The following WWOX variants were observed in gnomAD, a reference collection of about 807,000 sequenced individuals.
WWOX encodes the protein WW domain-containing oxidoreductase.
A neutral mutation model predicts 46.2 loss-of-function variants in WWOX; 69 were observed. The observed-to-expected ratio is 1.49, with a 90% CI of 1.23 to 1.82. The LOEUF (loss-of-function observed/expected upper bound fraction) is 1.82. Among genes scored for constraint, WWOX ranks in the 40% most tolerant of loss-of-function variants. The pLI, the probability that WWOX is intolerant of heterozygous loss-of-function variation, is 0.00. For missense variants in WWOX, 919 were observed against 542.6 expected, an observed-to-expected ratio of 1.69 and a Z score of -6.89; for synonymous variants, 359 against 202.6, an observed-to-expected ratio of 1.77 and a Z score of -6.56.
At chr16:78,998,658 A>T (rs1213462726) in intron 8 of WWOX, among the ~76,000 whole-genome samples, 1 of 152,190 alleles carries the variant, frequency 6.6e-6, no homozygotes, top group African/African-American at 2.4e-5. Flanking sequence ...GTGTGTAGGT[A>T]AGCGGCTAGC....
intron 8 of WWOX, among the ~76,000 whole-genome samples, chr16:78,696,256 C>G (rs1009850425): frequency 6.6e-6 from 1 of 152,182 alleles, no homozygotes; most frequent in African/African-American, 2.4e-5. Flanking sequence ...GCCTTCCTGT[C>G]TTTGCCACAT....
At chr16:78,118,007 C>G (rs146849631) in intron 4 of WWOX, among the ~76,000 whole-genome samples, 16 of 151,172 alleles carry the variant, frequency 1.1e-4, no homozygotes, top group Non-Finnish European at 2.1e-4. Context: ...ATTTGCAAAT[C>G]TAGTATTTCC....
chr16:78,962,746 C>T (rs143816548), intron 8 of WWOX, among the ~76,000 whole-genome samples: 1 of 152,146 alleles, frequency 6.6e-6, no homozygotes, highest in African/African-American at 2.4e-5. Flanking sequence ...CCACTCAGAT[C>T]AAGACAGAGA....
At chr16:78,549,081 G>A (rs986238257) in intron 8 of WWOX, among the ~76,000 whole-genome samples, 2 of 152,102 alleles carry the variant, frequency 1.3e-5, no homozygotes, top group African/African-American at 4.8e-5. Flanking sequence ...AATAAAGTGA[G>A]GAAAATAAAT....
At chr16:78,531,652 G>A (rs915502842) in intron 8 of WWOX, among the ~76,000 whole-genome samples, 2 of 151,986 alleles carry the variant, frequency 1.3e-5, no homozygotes, top group South Asian at 2.1e-4. Context: ...AGACTAGCCT[G>A]GCCAACATGG....
At chr16:78,972,365 T>G (rs2046487939) in intron 8 of WWOX, among the ~76,000 whole-genome samples, 1 of 151,960 alleles carries the variant, frequency 6.6e-6, no homozygotes, top group South Asian at 2.1e-4. Context: ...GTGAGCGCCG[T>G]GTATTTCAAA....
intron 5 of WWOX, among the ~76,000 whole-genome samples, chr16:78,307,772 CT>C (rs113641910): frequency 0.067 from 10,265 of 152,186 alleles, 954 homozygotes; most frequent in African/African-American, 0.21. Flanking sequence ...CTTAATATTC[CT>C]TTTCATGGGA....
At chr16:78,478,876 AT>A (rs1399743215) in intron 8 of WWOX, among the ~76,000 whole-genome samples, 1 of 152,088 alleles carries the variant, frequency 6.6e-6, no homozygotes, top group African/African-American at 2.4e-5. Flanking sequence ...AATAAGCTGA[AT>A]CTGTAGTATA....
At chr16:78,576,823 C>A (rs892509700) in intron 8 of WWOX, among the ~76,000 whole-genome samples, 16 of 152,200 alleles carry the variant, frequency 1.1e-4, no homozygotes, top group African/African-American at 3.9e-4. Flanking sequence ...ACAACAAGAC[C>A]CTGTCCCTTA....
At chr16:78,275,471 A>C (rs978149708) in intron 5 of WWOX, among the ~76,000 whole-genome samples, 1 of 152,222 alleles carries the variant, frequency 6.6e-6, no homozygotes, top group African/African-American at 2.4e-5. Context: ...CCCTGCAGTA[A>C]CTGGCTTTCT....
chr16:78,578,736 T>C (rs2044970874), intron 8 of WWOX, among the ~76,000 whole-genome samples: 1 of 152,146 alleles, frequency 6.6e-6, no homozygotes, highest in Admixed American at 6.5e-5. Flanking sequence ...TGCATCAACA[T>C]AACAAGTAAA....
At chr16:78,101,312 G>T (rs1189545972) in intron 1 of WWOX, among the ~76,000 whole-genome samples, 1 of 142,168 alleles carries the variant, frequency 7.0e-6, no homozygotes, top group Admixed American at 7.5e-5. Context: ...CTCTCAAAGT[G>T]CTGGGATTAC....
At chr16:79,098,463 T>C (rs2049121527) in intron 8 of WWOX, among the ~76,000 whole-genome samples, 1 of 152,212 alleles carries the variant, frequency 6.6e-6, no homozygotes, top group African/African-American at 2.4e-5. Context: ...TTAAGAACTG[T>C]CTGGAAAGAA....
intron 8 of WWOX, among the ~76,000 whole-genome samples, chr16:78,569,082 C>G (rs375680987): frequency 1.6e-4 from 24 of 152,230 alleles, no homozygotes; most frequent in South Asian, 6.2e-4. Flanking sequence ...GCCACTCTGT[C>G]TGAGGAACAC....
At chr16:79,118,917 C>G (rs554576536) in intron 8 of WWOX, among the ~76,000 whole-genome samples, 1 of 152,242 alleles carries the variant, frequency 6.6e-6, no homozygotes, top group African/African-American at 2.4e-5. Flanking sequence ...TTATCCATTT[C>G]TATGTTGTTG....
intron 8 of WWOX, chr16:79,101,252 A>G (rs978349847): frequency 1.7e-4 from 26 of 152,200 alleles, no homozygotes; most frequent in African/African-American, 5.3e-4. Context: ...CGCAGCTTGT[A>G]TGACAGTGGA....
intron 8 of WWOX, among the ~76,000 whole-genome samples, chr16:78,584,330 G>T (rs2045140097): frequency 6.6e-6 from 1 of 152,182 alleles, no homozygotes; most frequent in African/African-American, 2.4e-5. Context: ...CCAAGATGAA[G>T]GTGTTTGCAT....
Position 78,416,261 on chromosome 16 carries a change from C to A in WWOX, c.606-8609C>A, listed in dbSNP as rs547451495. Among the ~76,000 whole-genome samples the A allele has an allele frequency of 3.3e-5, 5 of 152,290 alleles. No individual in the cohort carries two copies. The South Asian group carries it at 1.0e-3, about 32-fold the overall frequency. ...CTCAGAGCCTTTTGAATTGCAATGG[C>A]TTTTAGTCAAAACTGAGCGCAATGT... is the stretch of plus-strand genomic sequence containing the variant. On this transcript the variant is annotated intron_variant, in intron 6 of 8. Transcript: ENST00000566780.
chr16:78,240,409 G>C (rs2037601416), intron 5 of WWOX, among the ~76,000 whole-genome samples: 1 of 152,178 alleles, frequency 6.6e-6, no homozygotes, highest in African/African-American at 2.4e-5. Context: ...TTGGAGTGAT[G>C]CGTCTACAAG....
Sources: allele counts gnomAD v4.1 joint callset (sites outside exome capture counted in the v4.1 genomes callset), GRCh38; gene constraint gnomAD v4.1.1; transcripts MANE v1.5; gene names NCBI Gene and HGNC (gene_info 2026-07-23, HGNC 2026-07-21).